Variants in ITSN1 observed in about 807,000 individuals in gnomAD.
ITSN1 encodes the protein intersectin 1, also known as intersectin-1.
In ITSN1, 58 loss-of-function variants were observed where a neutral mutation model predicts 239.8. That is an observed-to-expected ratio of 0.24 (90% confidence interval 0.20 to 0.30). ITSN1 has a LOEUF of 0.30. ITSN1 is among the 10% of genes least tolerant of loss of function. The pLI is 1.00. For synonymous variants in ITSN1, 780 were observed against 770.8 expected (o/e 1.01, Z -0.20); for missense variants, 1,558 against 2,103.3 (o/e 0.74, Z 5.07).
intron 1 of ITSN1, among the ~76,000 whole-genome samples, chr21:33,651,500 T>C (rs2088530858): frequency 6.6e-6 from 1 of 152,246 alleles, no homozygotes; most frequent in Non-Finnish European, 1.5e-5. Flanking sequence ...TGGTAATTTG[T>C]GTAAACTTTC....
intron 1 of ITSN1, among the ~76,000 whole-genome samples, chr21:33,668,541 G>T (rs1351120297): frequency 1.3e-5 from 2 of 152,172 alleles, no homozygotes; most frequent in African/African-American, 4.8e-5. Context: ...TAGGGTCCAC[G>T]ACCTTTGCTG....
intron 29 of ITSN1, chr21:33,838,580 C>A: frequency 2.6e-6 from 1 of 379,848 alleles, no homozygotes; most frequent in Non-Finnish European, 3.6e-6. Flanking sequence ...CAGCAATGGG[C>A]CTGCTGCCCA....
chr21:33,837,426 G>A, intron 29 of ITSN1: 1 of 987,148 alleles, frequency 1.0e-6, no homozygotes. Context: ...AATGCTGCAT[G>A]TGCTATTAAA....
chr21:33,760,741 A>T (rs1454370762), intron 8 of ITSN1, among the ~76,000 whole-genome samples: 1 of 152,222 alleles, frequency 6.6e-6, no homozygotes, highest in Non-Finnish European at 1.5e-5. Context: ...TGACGTTTGA[A>T]TAAAGAAATA....
Position 33,772,309 on chromosome 21 carries a change from A to T in ITSN1, c.1291A>T (p.Ile431Phe). ...RQREEERRKE[I>F]ERREAAKREL... ...GAGAGAGGAGGAGAGGAGGAAAGAA[A>T]TTGAGAGGCGAGAGGTAAGCAGGCG... is the stretch of plus-strand genomic sequence containing the variant. The change falls in exon 12 of 40, where the codon ATT becomes TTT. Residue 431 changes from isoleucine (I) to phenylalanine (F), a missense_variant. Around this residue, in one of 2 missense-constraint regions of ITSN1, gnomAD observed 982 missense variants for 1,209.9 expected, o/e 0.81. Transcript: ENST00000381318. The T allele has an allele frequency of 6.4e-7, 1 of 1,554,272 alleles. No individual in the cohort carries two copies. The highest frequency in any genetic ancestry group is 2.4e-5 in the East Asian group (1 of 41,116).
intron 1 of ITSN1, among the ~76,000 whole-genome samples, chr21:33,703,160 AATAT>A (rs200294888): frequency 6.7e-6 from 1 of 149,922 alleles, no homozygotes; most frequent in Admixed American, 6.7e-5. Context: ...ATAAAGAAAG[AATAT>A]ATATATAAAG....
chr21:33,645,453 C>G (rs1216354492), intron 1 of ITSN1, among the ~76,000 whole-genome samples: 3 of 151,890 alleles, frequency 2.0e-5, no homozygotes, highest in African/African-American at 7.3e-5. Context: ...CCAGCTTGGG[C>G]AACACAGGGA....
intron 1 of ITSN1, among the ~76,000 whole-genome samples, chr21:33,701,222 C>G (rs1205911058): frequency 1.3e-5 from 2 of 152,126 alleles, no homozygotes; most frequent in African/African-American, 4.8e-5. Context: ...CCCTAGACTC[C>G]TAAGTAATTG....
intron 33 of ITSN1, among the ~76,000 whole-genome samples, chr21:33,870,636 A>C (rs1982548428): frequency 6.6e-6 from 1 of 152,216 alleles, no homozygotes; most frequent in African/African-American, 2.4e-5. Context: ...AAAAATACCC[A>C]AACTTTCATC....
intron 29 of ITSN1, chr21:33,838,581 C>CAGGCCCAT: frequency 2.8e-6 from 1 of 359,758 alleles, no homozygotes; most frequent in Non-Finnish European, 3.9e-6. Context: ...AGCAATGGGC[C>CAGGCCCAT]TGCTGCCCAC....
chr21:33,743,038 T>C (rs943294889), intron 5 of ITSN1, among the ~76,000 whole-genome samples: 1 of 151,946 alleles, frequency 6.6e-6, no homozygotes, highest in Non-Finnish European at 1.5e-5. Context: ...TTTTTAAGGC[T>C]CATAAATAAG....
chr21:33,783,327 C>G (rs1419110245), intron 16 of ITSN1, among the ~76,000 whole-genome samples: 2 of 152,166 alleles, frequency 1.3e-5, no homozygotes, highest in African/African-American at 4.8e-5. Context: ...GATTGAGATT[C>G]TAGGCCAAAT....
intron 22 of ITSN1, among the ~76,000 whole-genome samples, chr21:33,815,752 G>A (rs1323576976): frequency 1.3e-5 from 2 of 152,154 alleles, no homozygotes; most frequent in African/African-American, 2.4e-5. Flanking sequence ...ATGAGGAAGA[G>A]TGAAGAGATT....
intron 1 of ITSN1, among the ~76,000 whole-genome samples, chr21:33,667,334 C>A (rs1227257001): frequency 6.6e-6 from 1 of 151,522 alleles, no homozygotes; most frequent in Admixed American, 6.6e-5. Flanking sequence ...ATAAAAGAGT[C>A]CTGAGGCCAA....
At chr21:33,826,955 A>G in intron 26 of ITSN1, 92 bp downstream of exon 26, 1 of 1,006,950 alleles carries the variant, frequency 9.9e-7, no homozygotes, top group East Asian at 2.4e-5. Flanking sequence ...AGAAGCCTAA[A>G]ATAAAAAGAA....
intron 1 of ITSN1, among the ~76,000 whole-genome samples, chr21:33,644,540 A>G (rs981254066): frequency 2.6e-5 from 4 of 152,212 alleles, no homozygotes; most frequent in Non-Finnish European, 4.4e-5. Flanking sequence ...GGAAATGAAC[A>G]AATTTTTAAT....
chr21:33,682,279 A>C lies in ITSN1; in HGVS notation c.-32-36518A>C, dbSNP rs1246550258. On this transcript the variant is annotated intron_variant, in intron 1 of 39. Coordinates refer to ENST00000381318, the MANE Select transcript of ITSN1 (RefSeq NM_003024.3). ...TGCCCAGGCTGGAGTGCAATGGCGC[A>C]ATCTCAGCTCACCGCAACCTCTGCC... is the stretch of plus-strand genomic sequence containing the variant. Among the ~76,000 whole-genome samples, 3 of 147,686 alleles carry C rather than the reference A, an allele frequency of 2.0e-5. No homozygotes were observed. The Admixed American group carries it at 2.0e-4, about 10-fold the overall frequency.
At chr21:33,723,614 C>CA (rs1003528956) in intron 4 of ITSN1, among the ~76,000 whole-genome samples, 77 of 145,158 alleles carry the variant, frequency 5.3e-4, no homozygotes, top group Admixed American at 1.9e-3. Flanking sequence ...ACTCCGTCTC[C>CA]AAAAAAAAAA....
intron 1 of ITSN1, among the ~76,000 whole-genome samples, chr21:33,709,548 C>T (rs1397713162): frequency 6.6e-6 from 1 of 152,142 alleles, no homozygotes; most frequent in African/African-American, 2.4e-5. Context: ...TCCCAAAGTG[C>T]TGAGGTTACA....
Sources: allele counts gnomAD v4.1 joint callset (sites outside exome capture counted in the v4.1 genomes callset), GRCh38; gene constraint gnomAD v4.1.1; regional missense constraint gnomAD v4.1.1; transcripts MANE v1.5; gene names NCBI Gene and HGNC (gene_info 2026-07-23, HGNC 2026-07-21).